PKD1: variants seen among roughly 807,000 people sequenced by gnomAD.
PKD1 encodes the protein polycystin-1.
A neutral mutation model predicts 361.7 loss-of-function variants in PKD1; 81 were observed. That is an observed-to-expected ratio of 0.22 (90% confidence interval 0.19 to 0.27). The LOEUF is 0.27. PKD1 is among the 10% of genes least tolerant of loss of function. The pLI is 1.00. For missense variants in PKD1, 6,399 were observed against 6,118.3 expected (o/e 1.05, Z -1.53); for synonymous variants, 3,615 against 2,818.3 (o/e 1.28, Z -8.95).
chr16:2,135,674 G>A lies in PKD1; in HGVS notation c.16C>T (p.Pro6Ser), dbSNP rs1320256969. The A allele has an allele frequency of 5.2e-6, 4 of 762,212 alleles. No homozygotes were observed. The Admixed American group carries it at 2.6e-4, about 49-fold the overall frequency. 47.2% of individuals were successfully genotyped at this position (762,212 alleles called of 1,614,324 possible). MPPAA[P>S]ARLALALGLG... ...CCCAGGGCCAGCGCCAGGCGGGCGGGCGCGGCGGGCGGCATCGTTAGGGCA... is the reference window on the plus strand; with the variant it reads ...CCCAGGGCCAGCGCCAGGCGGGCGGACGCGGCGGGCGGCATCGTTAGGGCA... Residue 6 changes from proline (P) to serine (S), a missense_variant, in exon 1 of 46, where the codon CCC (proline) becomes TCC (serine). Transcript: ENST00000262304.
rs2091694806 is a variant in PKD1, at chr16:2,093,469, T to C, written c.11016+75A>G. 3.2e-5 allele frequency: 43 copies of C among 1,343,602 alleles called. No individual in the cohort carries two copies. The East Asian group carries it at 1.0e-3, about 32-fold the overall frequency. 83.2% of individuals were successfully genotyped at this position (1,343,602 alleles called of 1,614,324 possible). A position where few individuals can be genotyped will look rare whatever the true frequency, so the allele number is the denominator to read the frequency against. ...TGAGGTGAGGAAAGGGGGACAGGAG[T>C]GTCCTGCGTGCATGGGTGGGAGGTG... is the stretch of plus-strand genomic sequence containing the variant. On this transcript the variant is annotated intron_variant, in intron 37 of 45. Transcript: ENST00000262304.
chr16:2,098,100 T>C (rs2091921740), intron 30 of PKD1, 116 bp from the exon 31 acceptor site: 3 of 670,210 alleles, frequency 4.5e-6, no homozygotes, highest in Non-Finnish European at 2.7e-6. Context: ...CAGAATGTCC[T>C]AGAATGCTGG....
chr16:2,111,313 C>T lies in PKD1; in HGVS notation c.3854G>A (p.Arg1285Gln), dbSNP rs368189158. The T allele has an allele frequency of 1.4e-4, 220 of 1,608,660 alleles. No individual in the cohort carries two copies. Among genetic ancestry groups the T allele is most frequent in the South Asian group, 3.6e-4 (33 of 90,914 alleles). Residue 1285 changes from arginine (R) to glutamine (Q), a missense_variant, in exon 15 of 46, where the codon CGG (arginine) becomes CAG (glutamine). Physicochemically the swap from Arg to Gln is conservative, Grantham distance 43 (BLOSUM62 1). Coordinates refer to ENST00000262304, the MANE Select transcript of PKD1 (RefSeq NM_001009944.3). Reference protein sequence around the residue: ...GAASPAGHLARSLHVLVFVLE... With the variant: ...GAASPAGHLAQSLHVLVFVLE... ...GACGAAGACCAGCACGTGCAGGCTC[C>T]GGGCCAGGTGGCCGGCGGGGCTGGC... is the stretch of plus-strand genomic sequence containing the variant.
chr16:2,109,873 G>A lies in PKD1; in HGVS notation c.5294C>T (p.Pro1765Leu), dbSNP rs577487876. Reference sequence around the variant, plus strand: ...TGTGGGGAAGCTATGGGTGGTAAATGGCTCGGAGGTCTCCCAGCTCAGCCC... The same window carrying A: ...TGTGGGGAAGCTATGGGTGGTAAATAGCTCGGAGGTCTCCCAGCTCAGCCC... ...EEGLSWETSE[P>L]FTTHSFPTPG... The change falls in exon 15 of 46, where the codon CCA becomes CTA. Residue 1765 changes from proline to leucine, a missense_variant. Physicochemically the swap from Pro to Leu is moderately conservative, Grantham distance 98. Coordinates refer to ENST00000262304, the MANE Select transcript of PKD1 (RefSeq NM_001009944.3). The A allele has an allele frequency of 6.2e-5, 100 of 1,610,688 alleles. 1 individual carries two copies. The South Asian group carries it at 1.0e-3, about 16-fold the overall frequency.
chr16:2,099,015 A>G (rs1596508730), intron 30 of PKD1: 1 of 171,174 alleles, frequency 5.8e-6, no homozygotes, highest in Non-Finnish European at 1.3e-5. Context: ...TATTTGTAGT[A>G]GAGTCGGGGT....
intron 21 of PKD1, 139 bp from the exon 22 acceptor site, chr16:2,104,781 CCTCA>C (rs2092270154): frequency 1.3e-6 from 1 of 785,992 alleles, no homozygotes; most frequent in African/African-American, 1.8e-5. Flanking sequence ...CCCACAGCCT[CCTCA>C]CTAAGCATTT....
At chr16:2,092,329 A>C in intron 39 of PKD1, 141 bp from the exon 40 acceptor site, 1 of 1,022,008 alleles carries the variant, frequency 9.8e-7, no homozygotes, top group Non-Finnish European at 1.4e-6. Flanking sequence ...AGACAACGTT[A>C]CCATCTCTCA....
chr16:2,105,027 G>A (rs145340198), intron 21 of PKD1, among the ~76,000 whole-genome samples: 1 of 87,204 alleles, frequency 1.1e-5, no homozygotes, highest in East Asian at 3.8e-4. Flanking sequence ...GCTAGGGGAG[G>A]GAAGGGGGAG....
chr16:2,103,798 G>A lies in PKD1; in HGVS notation c.8259C>T (p.Tyr2753=), dbSNP rs527407610. The change falls in exon 23 of 46, where the codon TAC becomes TAT. Residue 2753 remains tyrosine, a synonymous_variant. Transcript: ENST00000262304. The part of the protein sequence containing the change: ...SPSRMVASQA[Y]NLTSALMRIL... ...TGCGCATGAGGGCAGAGGTCAGGTT[G>A]TAGGCCTGGGACGCCACCATCCGAG... 3 of 1,609,494 alleles carry A rather than the reference G, an allele frequency of 1.9e-6. No individual in the cohort carries two copies. The East Asian group carries it at 6.7e-5, about 36-fold the overall frequency.
At position 2,097,709 on chromosome 16, in the gene PKD1, G is replaced by T. The variant is rs757915836; in HGVS notation, c.10220+19C>A. ...ACAGTGACCTGCACCAGGGCTCGAG[G>T]TTTCTCTAGGGAACCCACCTCTTAG... On this transcript the variant is annotated intron_variant, in intron 32 of 45. Transcript: ENST00000262304. 1 of 1,610,988 alleles carries T rather than the reference G, an allele frequency of 6.2e-7. No individual in the cohort carries two copies. The highest frequency in any genetic ancestry group is 8.5e-7 in the Non-Finnish European group (1 of 1,179,804).
chr16:2,116,284 T>TCCATGGGGGGCAGGACCCC (rs2092634075), intron 8 of PKD1, 166 bp from the exon 9 acceptor site: 1 of 763,080 alleles, frequency 1.3e-6, no homozygotes, highest in African/African-American at 1.7e-5. Flanking sequence ...GTGGAAACTG[T>TCCATGGGGGGCAGGACCCC]CCATGGGGGG....
chr16:2,115,605 C>T lies in PKD1; in HGVS notation c.1870G>A (p.Glu624Lys), dbSNP rs757329933. The T allele has an allele frequency of 1.3e-5, 20 of 1,599,728 alleles. No individual in the cohort carries two copies. Among genetic ancestry groups the T allele is most frequent in the Non-Finnish European group, 1.6e-5 (19 of 1,175,210 alleles). The change falls in exon 10 of 46, where the codon GAG becomes AAG. Residue 624 changes from glutamate to lysine, a missense_variant. Glu to Lys is a moderately conservative substitution (Grantham distance 56). Coordinates refer to ENST00000262304, the MANE Select transcript of PKD1 (RefSeq NM_001009944.3). ...STAGTPENGS[E>K]PESRSPDNRT... Reference sequence around the variant, plus strand: ...TTGTCCGGGGACCTGCTCTCAGGCTCGCTGCCGTTCTCCGGGGTCCCTGTG... The same window carrying T: ...TTGTCCGGGGACCTGCTCTCAGGCTTGCTGCCGTTCTCCGGGGTCCCTGTG...
chr16:2,122,879 G>C (rs530288413), intron 1 of PKD1, among the ~76,000 whole-genome samples: 2 of 152,208 alleles, frequency 1.3e-5, no homozygotes, highest in African/African-American at 4.8e-5. Context: ...ACAGGCTCTC[G>C]CACCTGCCCC....
In PKD1 at chr16:2,112,398, G is replaced by C. The variant is rs775658790; in HGVS notation, c.3237C>G (p.Asp1079Glu). ...PPYNESFPVP[D>E]PSVAQVLVEH... ...CCACCAGCACCTGGGCCACCGAGGG[G>C]TCTGGAACCGGGAAGGACTCGTTGT... is the stretch of plus-strand genomic sequence containing the variant. The change falls in exon 14 of 46, where the codon GAC becomes GAG. Residue 1079 changes from aspartate to glutamate, a missense_variant. Asp to Glu is a conservative substitution (Grantham distance 45). Coordinates refer to ENST00000262304, the MANE Select transcript of PKD1 (RefSeq NM_001009944.3). 43 of 1,587,104 alleles carry C rather than the reference G, an allele frequency of 2.7e-5. No homozygotes were observed. In the African/African-American group the frequency reaches 5.5e-4, roughly 20 times the overall value.
At chr16:2,095,778 C>G (rs537697224) in intron 34 of PKD1, among the ~76,000 whole-genome samples, 14 of 152,350 alleles carry the variant, frequency 9.2e-5, no homozygotes, top group Middle Eastern at 3.4e-3. Flanking sequence ...GCCACGCGCT[C>G]TGTGTGGATG....
In PKD1 at chr16:2,114,776, T is replaced by C. The variant is rs1018377575; in HGVS notation, c.2247A>G (p.Ser749=). ...GCTGGGCTGGCAAGTGGGGCAGCCA[T>C]GACGAGGCGTTGGCGGAGAGGTACG... ...RAPYLSANAS[S]WLPHLPAQLE... is the part of the protein sequence containing the mutation. Residue 749 remains serine, a synonymous_variant, in exon 11 of 46, where the codon TCA becomes TCG. Coordinates refer to ENST00000262304, the MANE Select transcript of PKD1 (RefSeq NM_001009944.3). 1 of 1,347,676 alleles carries C rather than the reference T, an allele frequency of 7.4e-7. No individual in the cohort carries two copies. The highest frequency in any genetic ancestry group is 2.5e-5 in the East Asian group (1 of 39,854). The allele number at this position is 1,347,676 out of a possible 1,614,324, so 83.5% of individuals were successfully genotyped here.
intron 30 of PKD1, chr16:2,099,274 C>G (rs535577471): frequency 2.8e-5 from 10 of 360,162 alleles, no homozygotes; most frequent in African/African-American, 1.7e-4. Context: ...GCCACTGGGA[C>G]GTTTCTAAGG....
chr16:2,123,467 C>T (rs1360984557), intron 1 of PKD1: 3 of 456,394 alleles, frequency 6.6e-6, no homozygotes, highest in South Asian at 1.5e-5. Context: ...GTCCTCACCT[C>T]GCTTGCTCCC....
Position 2,110,027 on chromosome 16 carries a change from A to C in PKD1, c.5140T>G (p.Phe1714Val), listed in dbSNP as rs769842590. Reference sequence around the variant, plus strand: ...ATCAGCCACCCCACAGGCTCCACGAAGTCCATGGTGCAGTCGGCCCAGGCG... The same window carrying C: ...ATCAGCCACCCCACAGGCTCCACGACGTCCATGGTGCAGTCGGCCCAGGCG... ...GSAWADCTMDFVEPVGWLMVA... is the reference protein window; with the variant it reads ...GSAWADCTMDVVEPVGWLMVA... Residue 1714 changes from phenylalanine (F) to valine (V), a missense_variant, in exon 15 of 46, where the codon TTC becomes GTC. By Grantham distance (50) the Phe-to-Val change is conservative. Transcript: ENST00000262304. The C allele has an allele frequency of 1.9e-6, 3 of 1,610,588 alleles. No homozygotes were observed. Among genetic ancestry groups the C allele is most frequent in the East Asian group, 2.2e-5 (1 of 44,878 alleles).
Sources: allele counts gnomAD v4.1 joint callset (sites outside exome capture counted in the v4.1 genomes callset), GRCh38; gene constraint gnomAD v4.1.1; transcripts MANE v1.5; gene names NCBI Gene and HGNC (gene_info 2026-07-23, HGNC 2026-07-21).